The following RGL1 variants were observed in gnomAD, a reference collection of about 807,000 sequenced individuals.
RGL1 encodes the protein ral guanine nucleotide dissociation stimulator-like 1.
Under a neutral mutation model 95.2 loss-of-function variants are expected in RGL1, and 24 were observed. The observed-to-expected ratio is 0.25, with a 90% CI of 0.18 to 0.35. RGL1 has a LOEUF of 0.35. Among genes scored for constraint, RGL1 ranks in the 10% least tolerant of loss-of-function variants. The pLI is 1.00. For missense variants in RGL1, 715 were observed against 936.3 expected, an observed-to-expected ratio of 0.76 and a Z score of 3.08; for synonymous variants, 329 against 344.9, an observed-to-expected ratio of 0.95 and a Z score of 0.51.
intron 1 of RGL1, chr1:183,647,374 G>T (rs939465411): frequency 4.7e-5 from 10 of 211,404 alleles, no homozygotes; most frequent in Non-Finnish European, 8.4e-5. Flanking sequence ...GATGATGTGA[G>T]TAAAATAGAA....
intron 1 of RGL1, among the ~76,000 whole-genome samples, chr1:183,670,173 T>C (rs1015108278): frequency 2.0e-5 from 3 of 152,196 alleles, no homozygotes; most frequent in South Asian, 2.1e-4. Flanking sequence ...TCCCACACTT[T>C]ACATGGGAAG....
intron 2 of RGL1, among the ~76,000 whole-genome samples, chr1:183,821,839 CT>C (rs1286899793): frequency 6.6e-6 from 1 of 152,148 alleles, no homozygotes. Flanking sequence ...AGTGGTGATA[CT>C]TTCTAAGAAG....
chr1:183,742,420 T>C (rs1010833715), intron 2 of RGL1: 18 of 985,078 alleles, frequency 1.8e-5, no homozygotes, highest in Non-Finnish European at 2.3e-5. Context: ...GGCACAGCCA[T>C]GACTGGAGAA....
At chr1:183,663,102 A>G (rs1208641202) in intron 1 of RGL1, among the ~76,000 whole-genome samples, 8 of 151,702 alleles carry the variant, frequency 5.3e-5, no homozygotes, top group Non-Finnish European at 1.0e-4. Context: ...CTAAAACCAT[A>G]AAAACCCTAG....
At chr1:183,676,467 T>A (rs1419776864) in intron 1 of RGL1, among the ~76,000 whole-genome samples, 1 of 151,958 alleles carries the variant, frequency 6.6e-6, no homozygotes, top group Non-Finnish European at 1.5e-5. Context: ...CTCATCCATA[T>A]GTATCACAGT....
At position 183,820,232 on chromosome 1, in the gene RGL1, C is replaced by G. The variant is rs140471117; in HGVS notation, c.138+13747C>G. Among the ~76,000 whole-genome samples the G allele has an allele frequency of 6.5e-4, 99 of 152,206 alleles. 1 individual carries two copies. The highest frequency in any genetic ancestry group is 2.3e-3 in the African/African-American group (97 of 41,512). On this transcript the variant is annotated intron_variant, in intron 2 of 17. Transcript: ENST00000360851. ...TTTAACATAGTTGCAATCATGCTAT[C>G]TATTCCGTTTGTGATAGGCAGGAAA...
chr1:183,698,657 CA>C (rs1394984616), intron 1 of RGL1, among the ~76,000 whole-genome samples: 4 of 152,208 alleles, frequency 2.6e-5, no homozygotes, highest in Non-Finnish European at 5.9e-5. Context: ...TTAAAGACAG[CA>C]CTCTAATATA....
intron 1 of RGL1, among the ~76,000 whole-genome samples, chr1:183,718,964 C>T (rs1043965608): frequency 2.6e-5 from 4 of 151,910 alleles, no homozygotes; most frequent in Admixed American, 2.6e-4. Flanking sequence ...CAAAAAGCAC[C>T]TAAGAAGGAG....
chr1:183,907,825 A>G (rs1428148104), intron 14 of RGL1, among the ~76,000 whole-genome samples: 1 of 151,990 alleles, frequency 6.6e-6, no homozygotes, highest in Non-Finnish European at 1.5e-5. Context: ...TCCTGTCTCT[A>G]CAAAAAAATA....
chr1:183,684,464 G>A lies in RGL1; in HGVS notation c.-33+47963G>A, dbSNP rs1051350052. Among the ~76,000 whole-genome samples the A allele has an allele frequency of 2.0e-5, 3 of 152,142 alleles. No individual in the cohort carries two copies. The East Asian group carries it at 5.8e-4, about 29-fold the overall frequency. On this transcript the variant is annotated intron_variant, in intron 1 of 18. Coordinates refer to the RGL1 transcript ENST00000304685. ...CCACCAAGCTCGAGCGTCCCAGGTC[G>A]ACTCCAGACTGCTGTGCTGGCAGCA...
chr1:183,906,616 A>G (rs1190047060), intron 13 of RGL1, among the ~76,000 whole-genome samples: 1 of 152,214 alleles, frequency 6.6e-6, no homozygotes, highest in Admixed American at 6.5e-5. Context: ...CACATACAAA[A>G]TAGTAGGAAG....
chr1:183,893,401 G>C (rs1363672094), intron 9 of RGL1, among the ~76,000 whole-genome samples: 1 of 152,184 alleles, frequency 6.6e-6, no homozygotes, highest in African/African-American at 2.4e-5. Context: ...ATACTTGAAA[G>C]TGCTATGCAA....
intron 3 of RGL1, among the ~76,000 whole-genome samples, chr1:183,854,419 C>T (rs542947638): frequency 2.6e-5 from 4 of 152,278 alleles, no homozygotes; most frequent in South Asian, 2.1e-4. Context: ...GAACAGAAAC[C>T]TTAAATCCAT....
chr1:183,695,696 C>G (rs1176115445), intron 1 of RGL1, among the ~76,000 whole-genome samples: 1 of 152,160 alleles, frequency 6.6e-6, no homozygotes, highest in African/African-American at 2.4e-5. Context: ...GTTAAAGCTA[C>G]AAGTTCTATT....
intron 5 of RGL1, among the ~76,000 whole-genome samples, chr1:183,882,126 CTA>C (rs1317937887): frequency 1.3e-5 from 2 of 152,246 alleles, no homozygotes; most frequent in Non-Finnish European, 2.9e-5. Flanking sequence ...GCAAGCTCTC[CTA>C]TATGTTTTTA....
At position 183,847,757 on chromosome 1, in the gene RGL1, G is replaced by A; in HGVS notation, c.330G>A (p.Leu110=). The A allele has an allele frequency of 6.2e-7, 1 of 1,613,814 alleles. No homozygotes were observed. Among genetic ancestry groups the A allele is most frequent in the Non-Finnish European group, 8.5e-7 (1 of 1,179,738 alleles). The change falls in exon 3 of 18, where the codon CTG becomes CTA. Residue 110 remains leucine, a synonymous_variant. Transcript: ENST00000360851. ...YRGFASTKEV[L]ELLLDRYGNL... ...GCTTTGCCTCCACTAAAGAAGTGCTGGAACTACTGCTGGACAGGTAAGAAT... is the reference window on the plus strand; with the variant it reads ...GCTTTGCCTCCACTAAAGAAGTGCTAGAACTACTGCTGGACAGGTAAGAAT...
intron 2 of RGL1, among the ~76,000 whole-genome samples, chr1:183,818,385 G>C (rs1662228274): frequency 6.6e-6 from 1 of 152,194 alleles, no homozygotes; most frequent in Non-Finnish European, 1.5e-5. Context: ...TTATCACTGT[G>C]TCACTGCTTA....
chr1:183,906,918 C>G (rs1271774122), intron 13 of RGL1, 94 bp from the exon 14 acceptor site: 4 of 748,794 alleles, frequency 5.3e-6, no homozygotes, highest in Non-Finnish European at 9.5e-6. Context: ...ACAATTAGAG[C>G]CTTCTCTAAA....
At chr1:183,709,270 C>G (rs1322624150) in intron 1 of RGL1, 1 of 152,354 alleles carries the variant, frequency 6.6e-6, no homozygotes, top group Non-Finnish European at 1.5e-5. Context: ...CCCCCTCACC[C>G]TCTTCCCGCC....
Sources: allele counts gnomAD v4.1 joint callset (sites outside exome capture counted in the v4.1 genomes callset), GRCh38; gene constraint gnomAD v4.1.1; transcripts MANE v1.5; gene names NCBI Gene and HGNC (gene_info 2026-07-23, HGNC 2026-07-21).